The following TTLL11 variants were observed in gnomAD, a reference collection of about 807,000 sequenced individuals.
TTLL11 encodes tubulin polyglutamylase TTLL11.
Under a neutral mutation model 51.7 loss-of-function variants are expected in TTLL11, and 42 were observed. The observed-to-expected ratio is 0.81, with a 90% CI of 0.64 to 1.05. The LOEUF (loss-of-function observed/expected upper bound fraction) is 1.05, where lower values mean the gene tolerates loss of function less well. Ranked by LOEUF, TTLL11 falls within the 50% of genes least tolerant of loss-of-function variation. The probability of loss-of-function intolerance (pLI) is 0.00; values close to 1 mark genes in which losing one functional copy is unlikely to be tolerated. For synonymous variants in TTLL11, 381 were observed against 383.5 expected (o/e 0.99, Z 0.08); for missense variants, 799 against 940.4 (o/e 0.85, Z 1.97).
chr9:121,998,390 G>C (rs1047514754), intron 3 of TTLL11, among the ~76,000 whole-genome samples: 1 of 151,986 alleles, frequency 6.6e-6, no homozygotes, highest in Non-Finnish European at 1.5e-5. Flanking sequence ...GGGTTCAAGC[G>C]ATTCTCGTGC....
intron 6 of TTLL11, among the ~76,000 whole-genome samples, chr9:121,944,131 C>G (rs970693065): frequency 1.3e-5 from 2 of 152,246 alleles, no homozygotes; most frequent in African/African-American, 4.8e-5. Flanking sequence ...AGGCTGGTTG[C>G]ACCATGAATA....
chr9:121,951,499 A>G (rs1484630513), intron 6 of TTLL11, among the ~76,000 whole-genome samples: 1 of 152,202 alleles, frequency 6.6e-6, no homozygotes, highest in Non-Finnish European at 1.5e-5. Flanking sequence ...ACACTTATGT[A>G]TTTGTCTTTA....
intron 8 of TTLL11, among the ~76,000 whole-genome samples, chr9:121,856,476 A>G (rs1181791106): frequency 1.3e-5 from 2 of 152,180 alleles, no homozygotes; most frequent in East Asian, 3.8e-4. Flanking sequence ...GGATGGTGTG[A>G]GAAGTAAATG....
rs747040027 is a variant in TTLL11, at chr9:121,899,378, C to CATATAT, written c.1482-28636_1482-28631dup. On this transcript the variant is annotated intron_variant, in intron 6 of 8. Transcript: ENST00000321582. ...GTATGTGTGTGTGTATATATATATA[C>CATATAT]ATATATATATATATATATATATATA... 9.6e-3 allele frequency among the ~76,000 whole-genome samples: 1,253 copies of CATATAT among 130,324 alleles called. 25 individuals are homozygous for CATATAT. Among genetic ancestry groups the CATATAT allele is most frequent in the East Asian group, 0.034 (151 of 4,452 alleles). 85.5% of individuals were successfully genotyped at this position (130,324 alleles called of 152,430 possible). A position where few individuals can be genotyped will look rare whatever the true frequency, so the allele number is the denominator to read the frequency against.
chr9:122,041,561 A>G (rs1409344885), intron 1 of TTLL11, among the ~76,000 whole-genome samples: 1 of 152,242 alleles, frequency 6.6e-6, no homozygotes, highest in East Asian at 1.9e-4. Context: ...AGTAATAAAC[A>G]AATTCAGCAA....
intron 6 of TTLL11, among the ~76,000 whole-genome samples, chr9:121,951,496 T>C (rs2900199): frequency 5.3e-5 from 8 of 152,094 alleles, no homozygotes; most frequent in African/African-American, 9.7e-5. Flanking sequence ...GGGACACTTA[T>C]GTATTTGTCT....
At chr9:121,912,982 G>A (rs1246897680) in intron 6 of TTLL11, among the ~76,000 whole-genome samples, 4 of 151,920 alleles carry the variant, frequency 2.6e-5, no homozygotes, top group Non-Finnish European at 5.9e-5. Context: ...CAAACCCACA[G>A]TGACTCTGCT....
intron 1 of TTLL11, among the ~76,000 whole-genome samples, chr9:122,063,067 C>T (rs1845479624): frequency 6.6e-6 from 1 of 152,172 alleles, no homozygotes; most frequent in African/African-American, 2.4e-5. Flanking sequence ...AAGCTTGGGC[C>T]ACCGCACCTG....
rs764614953 is a variant in TTLL11, at chr9:121,948,746, A to G, written c.1481+25263T>C. ...GTGGTCCTAACTCTAGCTGCCAAGC[A>G]TGTGCGCTGCAGAGTGGGTTAGACC... is the stretch of plus-strand genomic sequence containing the variant. On this transcript the variant is annotated intron_variant, in intron 6 of 8. Transcript: ENST00000321582. 5.8e-4 allele frequency among the ~76,000 whole-genome samples: 88 copies of G among 152,322 alleles called. 1 individual carries two copies. Among genetic ancestry groups the G allele is most frequent in the Admixed American group, 3.9e-4 (6 of 15,302 alleles).
At chr9:121,993,652 A>T (rs1843174831) in intron 3 of TTLL11, among the ~76,000 whole-genome samples, 1 of 152,224 alleles carries the variant, frequency 6.6e-6, no homozygotes, top group African/African-American at 2.4e-5. Flanking sequence ...GATGATCTAT[A>T]AGAGGAGGAG....
intron 1 of TTLL11, among the ~76,000 whole-genome samples, chr9:122,082,498 T>C (rs112729069): frequency 0.1 from 11,440 of 110,270 alleles, 861 homozygotes; most frequent in African/African-American, 0.29. Context: ...CGAGACTCTG[T>C]CTCAAAAAAA....
chr9:121,999,512 A>G (rs1843398211), intron 3 of TTLL11, among the ~76,000 whole-genome samples: 1 of 152,110 alleles, frequency 6.6e-6, no homozygotes, highest in African/African-American at 2.4e-5. Flanking sequence ...TCAAATTGAC[A>G]TTTCTCCATC....
chr9:121,960,067 C>T (rs73662546), intron 6 of TTLL11, among the ~76,000 whole-genome samples: 11,742 of 152,006 alleles, frequency 0.077, 685 homozygotes, highest in African/African-American at 0.16. Context: ...TCACACCTCC[C>T]GCTGCCCATC....
chr9:121,847,587 T>C (rs1055419200), intron 8 of TTLL11, among the ~76,000 whole-genome samples: 9 of 152,348 alleles, frequency 5.9e-5, no homozygotes, highest in African/African-American at 1.9e-4. Flanking sequence ...AAATAATTTA[T>C]GAAAACTCAC....
chr9:121,894,132 C>A (rs1412680142), intron 6 of TTLL11, among the ~76,000 whole-genome samples: 1 of 152,120 alleles, frequency 6.6e-6, no homozygotes, highest in South Asian at 2.1e-4. Flanking sequence ...GCACTGGGCA[C>A]GGGGTCTATA....
At chr9:122,013,169 A>G (rs1052386801) in intron 3 of TTLL11, among the ~76,000 whole-genome samples, 2 of 152,296 alleles carry the variant, frequency 1.3e-5, no homozygotes, top group East Asian at 3.9e-4. Context: ...CGAGGGATAC[A>G]CTTAGGAAGT....
chr9:121,970,285 C>T (rs890762521), intron 6 of TTLL11, among the ~76,000 whole-genome samples: 5 of 152,278 alleles, frequency 3.3e-5, no homozygotes, highest in African/African-American at 9.6e-5. Context: ...AAATTTTAGG[C>T]CTGCAGCTCA....
At position 121,995,920 on chromosome 9, in the gene TTLL11, G is replaced by A. The variant is rs1280368019; in HGVS notation, c.694-6150C>T. 6.6e-6 allele frequency among the ~76,000 whole-genome samples: 1 copy of A among 152,178 alleles called. No individual in the cohort carries two copies. The highest frequency in any genetic ancestry group is 1.9e-4 in the East Asian group (1 of 5,182). On this transcript the variant is annotated intron_variant, in intron 3 of 8. Coordinates refer to ENST00000321582, the MANE Select transcript of TTLL11 (RefSeq NM_001139442.2). This position sits in a 1 kb window ranked among gnomAD's most constrained non-coding sequence, Gnocchi z 4.4. ...AGACCTCTCAAGCTCCGTGGTGAGC[G>A]CGGGAACCACGGGCCCGTGAGAAGT...
At chr9:122,026,450 A>G (rs1844343886) in intron 3 of TTLL11, among the ~76,000 whole-genome samples, 1 of 151,990 alleles carries the variant, frequency 6.6e-6, no homozygotes, top group Non-Finnish European at 1.5e-5. Context: ...AAAAAAAAAA[A>G]AAAAGAAGGG....
Sources: gnomAD v4.1 joint callset for allele counts (sites outside exome capture counted in the v4.1 genomes callset) on GRCh38, gnomAD v4.1.1 for gene constraint, Gnocchi (gnomAD v3.1) non-coding constraint, MANE v1.5 for transcripts, NCBI Gene and HGNC (gene_info 2026-07-23, HGNC 2026-07-21) for gene names.